FAM168A: variants seen among roughly 807,000 people sequenced by gnomAD.
FAM168A encodes family with sequence similarity 168 member A, also known as protein FAM168A.
Under a neutral mutation model 28.5 loss-of-function variants are expected in FAM168A, and 3 were observed. The ratio of observed to expected loss-of-function variants is 0.11; its 90% CI spans 0.05 to 0.27. The LOEUF (loss-of-function observed/expected upper bound fraction) is 0.27, where lower values mean the gene tolerates loss of function less well. FAM168A is among the 10% of genes least tolerant of loss of function. FAM168A has a pLI of 1.00. For missense variants in FAM168A, 222 were observed against 311.5 expected, an observed-to-expected ratio of 0.71 and a Z score of 2.16; for synonymous variants, 122 against 124.2, an observed-to-expected ratio of 0.98 and a Z score of 0.12.
intron 1 of FAM168A, among the ~76,000 whole-genome samples, chr11:73,548,220 T>C (rs1943784046): frequency 6.6e-6 from 1 of 152,172 alleles, no homozygotes; most frequent in East Asian, 1.9e-4. Context: ...GTTAAGACAG[T>C]AAATTTTATG....
intron 1 of FAM168A, among the ~76,000 whole-genome samples, chr11:73,505,036 T>C (rs1481570161): frequency 6.6e-6 from 1 of 151,046 alleles, no homozygotes; most frequent in Admixed American, 6.6e-5. Context: ...GAACTAAGAG[T>C]ACGGGTCACT....
intron 1 of FAM168A, among the ~76,000 whole-genome samples, chr11:73,518,550 A>C (rs1943333845): frequency 2.0e-5 from 3 of 150,370 alleles, no homozygotes; most frequent in South Asian, 2.2e-4. Context: ...GGGGCGTGGA[A>C]TTGTGGTGGG....
intron 1 of FAM168A, among the ~76,000 whole-genome samples, chr11:73,508,951 T>G (rs142960866): frequency 5.9e-5 from 9 of 152,310 alleles, no homozygotes; most frequent in African/African-American, 1.2e-4. Context: ...TAAAGGGCAG[T>G]TCCCCTGCAC....
intron 1 of FAM168A, among the ~76,000 whole-genome samples, chr11:73,500,137 C>A (rs142328260): frequency 0.032 from 4,936 of 152,148 alleles, 94 homozygotes; most frequent in Middle Eastern, 0.061. Flanking sequence ...GCCAGGTCAC[C>A]TACAAAGGGA....
At position 73,404,229 on chromosome 11, in the gene FAM168A, A is replaced by G. The variant is rs998168365; in HGVS notation, c.*2534T>C. ...CTTCCTTTCTCCTCTCTGTGGTTCC[A>G]CCCCAGCCCACATGGAGGCAGCAGG... On this transcript the variant is annotated 3_prime_UTR_variant, in exon 8 of 8. Coordinates refer to ENST00000356467, the MANE Select transcript of FAM168A (RefSeq NM_015159.3). The G allele has an allele frequency of 3.3e-5, 5 of 152,136 alleles. No individual in the cohort carries two copies. The highest frequency in any genetic ancestry group is 1.5e-5 in the Non-Finnish European group (1 of 68,032). 9.4% of individuals were successfully genotyped at this position (152,136 alleles called of 1,614,324 possible). A position where few individuals can be genotyped will look rare whatever the true frequency, so the allele number is the denominator to read the frequency against.
intron 1 of FAM168A, among the ~76,000 whole-genome samples, chr11:73,542,763 C>T (rs553732756): frequency 1.4e-4 from 22 of 152,276 alleles, no homozygotes; most frequent in Admixed American, 2.6e-4. Context: ...GCACTCTCCT[C>T]CTTGCTCCAT....
At chr11:73,418,686 A>G (rs540092343) in intron 4 of FAM168A, among the ~76,000 whole-genome samples, 1 of 152,376 alleles carries the variant, frequency 6.6e-6, no homozygotes, top group East Asian at 1.9e-4. Flanking sequence ...GGGCTTATCC[A>G]GCCCTCACAA....
intron 1 of FAM168A, among the ~76,000 whole-genome samples, chr11:73,573,910 G>A (rs969446231): frequency 2.0e-5 from 3 of 152,110 alleles, no homozygotes; most frequent in East Asian, 1.9e-4. Flanking sequence ...AGCTATGAGC[G>A]GGACTCTGCA....
intron 1 of FAM168A, among the ~76,000 whole-genome samples, chr11:73,484,573 T>TATATATAG (rs1433565429): frequency 1.0e-5 from 1 of 99,078 alleles, no homozygotes; most frequent in African/African-American, 3.3e-5. Context: ...TATATATCTA[T>TATATATAG]ATATCGATAT....
intron 3 of FAM168A, among the ~76,000 whole-genome samples, chr11:73,428,787 T>C (rs561335644): frequency 1.3e-5 from 2 of 152,294 alleles, no homozygotes; most frequent in East Asian, 3.9e-4. Flanking sequence ...AAACCAGTGC[T>C]GAGATACCAT....
chr11:73,545,027 A>ATT (rs57233496), intron 1 of FAM168A, among the ~76,000 whole-genome samples: 1 of 77,462 alleles, frequency 1.3e-5, no homozygotes, highest in African/African-American at 1.2e-4. Context: ...TAGTATATAT[A>ATT]ATATATATAT....
chr11:73,407,496 A>AC lies in FAM168A; in HGVS notation c.*18+16dup. On this transcript the variant is annotated intron_variant, in intron 7 of 7. Transcript: ENST00000356467. ...TATGTATCCCCCTCCCACTTCTCTC[A>AC]CCCTGGCCACACTCACTTGGATGGG... is the stretch of plus-strand genomic sequence containing the variant. 6.6e-7 allele frequency: 1 copy of AC among 1,521,328 alleles called. No individual in the cohort carries two copies. The highest frequency in any genetic ancestry group is 8.8e-7 in the Non-Finnish European group (1 of 1,135,910). The allele number at this position is 1,521,328 out of a possible 1,614,324, so 94.2% of individuals were successfully genotyped here.
intron 1 of FAM168A, among the ~76,000 whole-genome samples, chr11:73,504,486 TAAA>T (rs1590820523): frequency 6.6e-6 from 1 of 152,060 alleles, no homozygotes; most frequent in African/African-American, 2.4e-5. Context: ...TGGCAGTTAT[TAAA>T]AAGTCAGGAA....
chr11:73,532,820 T>A (rs1565286339), intron 1 of FAM168A, among the ~76,000 whole-genome samples: 1 of 152,034 alleles, frequency 6.6e-6, no homozygotes, highest in Non-Finnish European at 1.5e-5. Flanking sequence ...GGAGTTGGAG[T>A]CAAAAGAAGA....
chr11:73,546,300 G>C (rs557824921), intron 1 of FAM168A, among the ~76,000 whole-genome samples: 4 of 152,198 alleles, frequency 2.6e-5, no homozygotes, highest in Non-Finnish European at 5.9e-5. Flanking sequence ...GGGGCGGGAA[G>C]TGGGGAGAAA....
chr11:73,516,934 A>G (rs1163406123), intron 1 of FAM168A, among the ~76,000 whole-genome samples: 4 of 152,212 alleles, frequency 2.6e-5, no homozygotes, highest in African/African-American at 9.6e-5. Flanking sequence ...CATGGAGTTT[A>G]CTATCTAGTG....
At chr11:73,482,857 G>A (rs2134596047) in intron 1 of FAM168A, among the ~76,000 whole-genome samples, 1 of 152,202 alleles carries the variant, frequency 6.6e-6, no homozygotes, top group African/African-American at 2.4e-5. Flanking sequence ...TCCTACCTCA[G>A]CCTCCCAAGT....
chr11:73,445,419 CTTTTTTT>C lies in FAM168A; in HGVS notation c.71-14656_71-14650del, dbSNP rs56294455. On this transcript the variant is annotated intron_variant, in intron 2 of 7. Transcript: ENST00000356467. ...CCAGTAGATATATGTAAAAATGTCT[CTTTTTTT>C]TTTTTTTTTTTTTTTTTTTTTTTGG... Among the ~76,000 whole-genome samples, 254 of 50,448 alleles carry C rather than the reference CTTTTTTT, an allele frequency of 5.0e-3. 3 individuals are homozygous for C. The highest frequency in any genetic ancestry group is 0.016 in the African/African-American group (220 of 14,018). 33.1% of individuals were successfully genotyped at this position (50,448 alleles called of 152,430 possible).
chr11:73,428,169 G>A (rs908048328), intron 3 of FAM168A, among the ~76,000 whole-genome samples: 2 of 152,082 alleles, frequency 1.3e-5, no homozygotes, highest in Non-Finnish European at 2.9e-5. Flanking sequence ...GAAGAGAACT[G>A]AGCTCCAGAT....
Sources: gnomAD v4.1 joint callset for allele counts (sites outside exome capture counted in the v4.1 genomes callset) on GRCh38, gnomAD v4.1.1 for gene constraint, MANE v1.5 for transcripts, NCBI Gene and HGNC (gene_info 2026-07-23, HGNC 2026-07-21) for gene names.